The following CCDC174 variants were observed in gnomAD, a reference collection of about 807,000 sequenced individuals.
CCDC174 encodes coiled-coil domain containing 174.
A neutral mutation model predicts 57.1 loss-of-function variants in CCDC174; 37 were observed. The observed-to-expected ratio is 0.65, with a 90% CI of 0.50 to 0.85. CCDC174 has a LOEUF of 0.85. Among genes scored for constraint, CCDC174 ranks in the 40% least tolerant of loss-of-function variants. CCDC174 has a pLI of 0.00. For synonymous variants in CCDC174, 182 were observed against 190.2 expected, an observed-to-expected ratio of 0.96 and a Z score of 0.35; for missense variants, 540 against 574.3, an observed-to-expected ratio of 0.94 and a Z score of 0.61.
intron 3 of CCDC174, among the ~76,000 whole-genome samples, chr3:14,656,160 C>CA (rs1174480579): frequency 4.6e-5 from 7 of 152,152 alleles, no homozygotes; most frequent in Non-Finnish European, 1.0e-4. Flanking sequence ...CATTTTCCTA[C>CA]ATAACCACAA....
intron 5 of CCDC174, among the ~76,000 whole-genome samples, chr3:14,663,127 C>T (rs1238977310): frequency 6.6e-6 from 1 of 152,196 alleles, no homozygotes; most frequent in African/African-American, 2.4e-5. Flanking sequence ...GATCATGGCT[C>T]ATCACAGCCT....
intron 4 of CCDC174, among the ~76,000 whole-genome samples, chr3:14,660,462 C>G (rs753085189): frequency 1.3e-5 from 2 of 152,200 alleles, no homozygotes; most frequent in African/African-American, 4.8e-5. Context: ...CAAGATAGTG[C>G]CACTGCACTC....
intron 4 of CCDC174, among the ~76,000 whole-genome samples, chr3:14,660,378 C>T (rs964718033): frequency 2.0e-5 from 3 of 152,186 alleles, no homozygotes; most frequent in African/African-American, 4.8e-5. Context: ...GTGGCAGGCA[C>T]CTGTAGTCTC....
chr3:14,656,228 G>T (rs773895908), intron 3 of CCDC174, among the ~76,000 whole-genome samples: 8 of 151,898 alleles, frequency 5.3e-5, no homozygotes, highest in Non-Finnish European at 1.2e-4. Context: ...CTATTTTGTG[G>T]TCCATATTCA....
chr3:14,659,573 C>A (rs902849435), intron 4 of CCDC174, among the ~76,000 whole-genome samples: 5 of 151,874 alleles, frequency 3.3e-5, no homozygotes, highest in African/African-American at 4.8e-5. Flanking sequence ...GCCTATAGTC[C>A]CATTATTTAG....
chr3:14,663,749 G>A (rs2031227227), intron 5 of CCDC174, among the ~76,000 whole-genome samples: 1 of 152,174 alleles, frequency 6.6e-6, no homozygotes, highest in South Asian at 2.1e-4. Context: ...CCTTTGAAAG[G>A]TCTAATGTCT....
intron 5 of CCDC174, among the ~76,000 whole-genome samples, chr3:14,662,728 A>G (rs12498035): frequency 0.44 from 67,331 of 151,956 alleles, 16,680 homozygotes; most frequent in South Asian, 0.65. Flanking sequence ...GGAACTGCTC[A>G]GGACTCTTTG....
In CCDC174 at chr3:14,671,830, T is replaced by C. The variant is rs2031525512; in HGVS notation, c.*636T>C. On this transcript the variant is annotated 3_prime_UTR_variant, in exon 11 of 11. Transcript: ENST00000383794. ...CTGTGTGCAGTGGGCATTCAGTAAA[T>C]GTGTGTTGAAGGACTGGGACGTACG... 6.6e-6 allele frequency: 1 copy of C among 152,528 alleles called. No individual in the cohort carries two copies. The highest frequency in any genetic ancestry group is 6.5e-5 in the Admixed American group (1 of 15,282). 9.4% of individuals were successfully genotyped at this position (152,528 alleles called of 1,614,324 possible).
chr3:14,665,187 T>A, intron 6 of CCDC174, 64 bp downstream of exon 6: 2 of 1,083,432 alleles, frequency 1.8e-6, no homozygotes, highest in Non-Finnish European at 2.9e-6. Flanking sequence ...GATTGTTTTG[T>A]GAGGGGAGGC....
rs2031403546 is a variant in CCDC174, at chr3:14,668,182, G to A, written c.952+1G>A. 1 of 1,600,400 alleles carries A rather than the reference G, an allele frequency of 6.2e-7. No individual in the cohort carries two copies. Among genetic ancestry groups the A allele is most frequent in the East Asian group, 2.2e-5 (1 of 44,626 alleles). ...GGTGGAACAGAAGAAGAAAATAGAG[G>A]TATATCATGGCTATGTTGCTGAACT... On this transcript the variant is annotated splice_donor_variant, in intron 9 of 10. Transcript: ENST00000383794. LOFTEE classifies it high-confidence loss of function.
intron 4 of CCDC174, among the ~76,000 whole-genome samples, chr3:14,659,495 C>T (rs887917420): frequency 1.3e-5 from 2 of 151,954 alleles, no homozygotes; most frequent in Admixed American, 6.6e-5. Context: ...GAGACCAGCC[C>T]GGGCAACATG....
intron 7 of CCDC174, 100 bp from the exon 8 acceptor site, chr3:14,667,324 A>G (rs140960560): frequency 1.1e-6 from 1 of 904,786 alleles, no homozygotes; most frequent in Non-Finnish European, 1.8e-6. Flanking sequence ...CTTGTGCCAA[A>G]TATCACTGTG....
chr3:14,661,336 T>A (rs969966527), intron 4 of CCDC174, among the ~76,000 whole-genome samples, 194 bp from the exon 5 acceptor site: 3 of 118,326 alleles, frequency 2.5e-5, no homozygotes, highest in Admixed American at 8.0e-5. Flanking sequence ...TTAGGCTTTT[T>A]CAAGATTTTT....
chr3:14,660,200 G>A (rs1453260765), intron 4 of CCDC174, among the ~76,000 whole-genome samples: 1 of 152,174 alleles, frequency 6.6e-6, no homozygotes, highest in Non-Finnish European at 1.5e-5. Context: ...GTATTTCATG[G>A]TTTTAAAAAA....
In CCDC174 at chr3:14,667,410, C is replaced by T. The variant is rs764236392; in HGVS notation, c.725-14C>T. On this transcript the variant is annotated splice_polypyrimidine_tract_variant and intron_variant, in intron 7 of 10. Coordinates refer to ENST00000383794, the MANE Select transcript of CCDC174 (RefSeq NM_016474.5). ...GGACAGTCTGATCTTTTGGGTAATT[C>T]ATACTTCTTTCAGAGGCCCGGCAAC... 24 of 1,606,320 alleles carry T rather than the reference C, an allele frequency of 1.5e-5. No homozygotes were observed. Among genetic ancestry groups the T allele is most frequent in the Admixed American group, 6.7e-5 (4 of 59,964 alleles).
Position 14,658,941 on chromosome 3 carries a change from T to G in CCDC174, c.307+12T>G. 2 of 1,494,076 alleles carry G rather than the reference T, an allele frequency of 1.3e-6. No individual in the cohort carries two copies. Among genetic ancestry groups the G allele is most frequent in the Non-Finnish European group, 1.8e-6 (2 of 1,090,644 alleles). The allele number at this position is 1,494,076 out of a possible 1,614,324, so 92.6% of individuals were successfully genotyped here. A position where few individuals can be genotyped will look rare whatever the true frequency, so the allele number is the denominator to read the frequency against. ...AGGAGACTTTATAGGTAAATAAAAT[T>G]TGTTATTTCTACTTCATTTTCTATA... On this transcript the variant is annotated intron_variant, in intron 4 of 10. Coordinates refer to ENST00000383794, the MANE Select transcript of CCDC174 (RefSeq NM_016474.5).
chr3:14,668,083 A>G lies in CCDC174; in HGVS notation c.854A>G (p.Lys285Arg), dbSNP rs369711294. 6.2e-6 allele frequency: 10 copies of G among 1,603,364 alleles called. No individual in the cohort carries two copies. The South Asian group carries it at 7.9e-5, about 13-fold the overall frequency. The change falls in exon 9 of 11, where the codon AAG becomes AGG. Residue 285 changes from lysine (K) to arginine (R), a missense_variant. Physicochemically the swap from Lys to Arg is conservative, Grantham distance 26 (BLOSUM62 2). Transcript: ENST00000383794. ...CAGAGAACAAAACGAGAAAACATAA[A>G]GGAAAAGCGAAAGGCTATCTTAGAG... ...TDQRTKRENIKEKRKAILEAR... is the reference protein window; with the variant it reads ...TDQRTKRENIREKRKAILEAR...
At chr3:14,665,955 G>A (rs867271777) in intron 6 of CCDC174, among the ~76,000 whole-genome samples, 8 of 148,628 alleles carry the variant, frequency 5.4e-5, no homozygotes, top group South Asian at 2.1e-4. Context: ...GGAGAATGGC[G>A]TGAACCCAGG....
At chr3:14,651,943 G>T (rs1469202913) in intron 1 of CCDC174, 65 bp downstream of exon 1, 2 of 1,519,088 alleles carry the variant, frequency 1.3e-6, no homozygotes, top group Admixed American at 1.7e-5. Context: ...AGACAAGAAT[G>T]TCGACCTAGC....
Sources: gnomAD v4.1 joint callset for allele counts (sites outside exome capture counted in the v4.1 genomes callset) on GRCh38, gnomAD v4.1.1 for gene constraint, MANE v1.5 for transcripts, NCBI Gene and HGNC (gene_info 2026-07-23, HGNC 2026-07-21) for gene names.